The following UBE2E2 variants were observed in gnomAD, a reference collection of about 807,000 sequenced individuals.
UBE2E2 encodes ubiquitin conjugating enzyme E2 E2, also known as ubiquitin-conjugating enzyme E2 E2.
A neutral mutation model predicts 24.7 loss-of-function variants in UBE2E2; 6 were observed. The observed-to-expected ratio is 0.24, with a 90% confidence interval of 0.13 to 0.48. UBE2E2 has a LOEUF of 0.48. Ranked by LOEUF, UBE2E2 falls within the 20% of genes least tolerant of loss-of-function variation. UBE2E2 has a pLI of 0.99. For missense variants in UBE2E2, 169 were observed against 245.0 expected, an observed-to-expected ratio of 0.69 and a Z score of 2.07; for synonymous variants, 104 against 83.6, an observed-to-expected ratio of 1.24 and a Z score of -1.33.
intron 3 of UBE2E2, among the ~76,000 whole-genome samples, chr3:23,495,772 T>A (rs1018085206): frequency 9.9e-5 from 15 of 152,196 alleles, no homozygotes; most frequent in Non-Finnish European, 1.2e-4. Context: ...ATACTCTGTC[T>A]ATGCCTCATT....
At chr3:23,491,580 G>T (rs536285195) in intron 3 of UBE2E2, among the ~76,000 whole-genome samples, 1 of 152,198 alleles carries the variant, frequency 6.6e-6, no homozygotes, top group East Asian at 1.9e-4. Context: ...TGAAAGCTCT[G>T]CAAGTAATTC....
chr3:23,389,725 A>T (rs1238310397), intron 3 of UBE2E2: 1 of 202,168 alleles, frequency 4.9e-6, no homozygotes, highest in East Asian at 1.0e-4. Flanking sequence ...TGGGCAAGTC[A>T]GATCCACTAG....
chr3:23,259,990 A>G (rs763456648), intron 3 of UBE2E2, among the ~76,000 whole-genome samples: 1 of 152,232 alleles, frequency 6.6e-6, no homozygotes, highest in Non-Finnish European at 1.5e-5. Context: ...AATTTTTTAA[A>G]TTGAAATGTT....
chr3:23,577,009 T>C (rs2125516141), intron 5 of UBE2E2, among the ~76,000 whole-genome samples: 1 of 152,286 alleles, frequency 6.6e-6, no homozygotes, highest in African/African-American at 2.4e-5. Flanking sequence ...TTCATGTCTC[T>C]GTGTCACATT....
intron 3 of UBE2E2, 121 bp downstream of exon 3, chr3:23,217,433 A>T: frequency 1.1e-6 from 1 of 878,624 alleles, no homozygotes; most frequent in Non-Finnish European, 1.8e-6. Context: ...TTGTTGTTTG[A>T]ACTTAAGTGA....
Position 23,504,907 on chromosome 3 carries a change from TC to T in UBE2E2, c.360+5168del, listed in dbSNP as rs1327997418. ...TGTCTAATGTTTCTGTTTCAGACAT[TC>T]TTTCTTTTTTTTTTTTTTGAGACAG... On this transcript the variant is annotated intron_variant, in intron 4 of 5. Coordinates refer to ENST00000396703, the MANE Select transcript of UBE2E2 (RefSeq NM_152653.4). 2.2e-5 allele frequency among the ~76,000 whole-genome samples: 3 copies of T among 134,496 alleles called. No individual in the cohort carries two copies. In the East Asian group the frequency reaches 6.7e-4, roughly 30 times the overall value. The allele number at this position is 134,496 out of a possible 152,430, so 88.2% of individuals were successfully genotyped here.
chr3:23,458,758 G>A (rs1698739381), intron 3 of UBE2E2, among the ~76,000 whole-genome samples: 1 of 152,092 alleles, frequency 6.6e-6, no homozygotes, highest in African/African-American at 2.4e-5. Flanking sequence ...GAAAAAGTTT[G>A]AATTAGTGCA....
chr3:23,316,027 C>G (rs1249666579), intron 3 of UBE2E2, among the ~76,000 whole-genome samples: 4 of 152,120 alleles, frequency 2.6e-5, no homozygotes, highest in African/African-American at 9.7e-5. Context: ...AGAGGTGACA[C>G]AAGCATCCCT....
intron 3 of UBE2E2, among the ~76,000 whole-genome samples, chr3:23,364,296 T>C (rs773660405): frequency 6.6e-6 from 1 of 151,432 alleles, no homozygotes; most frequent in Non-Finnish European, 1.5e-5. Flanking sequence ...TGAAGGAAAC[T>C]GAGATGTAAA....
chr3:23,207,339 T>G (rs1280151615), intron 1 of UBE2E2, among the ~76,000 whole-genome samples: 1 of 152,148 alleles, frequency 6.6e-6, no homozygotes, highest in African/African-American at 2.4e-5. Context: ...TTGAGGAAAT[T>G]GAGTTGGTAA....
intron 5 of UBE2E2, among the ~76,000 whole-genome samples, chr3:23,584,859 G>T (rs541885056): frequency 1.3e-5 from 2 of 150,048 alleles, no homozygotes; most frequent in African/African-American, 4.9e-5. Context: ...GGCATGAGCC[G>T]CTGTGCCCAG....
chr3:23,358,605 G>T (rs2036045), intron 3 of UBE2E2, among the ~76,000 whole-genome samples: 115,912 of 152,134 alleles, frequency 0.76, 44,373 homozygotes, highest in East Asian at 0.84. Context: ...TTCATATACT[G>T]GTCTACAATT....
rs73821859 is a variant in UBE2E2, at chr3:23,549,541, A to G, written c.508+16840A>G. Among the ~76,000 whole-genome samples the G allele has an allele frequency of 6.7e-3, 1,015 of 152,298 alleles. 12 individuals carry two copies. The highest frequency in any genetic ancestry group is 0.023 in the African/African-American group (974 of 41,576). ...CTCACTAACTAGCTAGTGACCTTGGATAAATCGGTGCCCTCATTTGTGAAT... is the reference window on the plus strand; with the variant it reads ...CTCACTAACTAGCTAGTGACCTTGGGTAAATCGGTGCCCTCATTTGTGAAT... On this transcript the variant is annotated intron_variant, in intron 5 of 5. Coordinates refer to ENST00000396703, the MANE Select transcript of UBE2E2 (RefSeq NM_152653.4).
intron 3 of UBE2E2, among the ~76,000 whole-genome samples, chr3:23,418,793 C>T (rs1575616689): frequency 6.6e-6 from 1 of 152,182 alleles, no homozygotes; most frequent in Non-Finnish European, 1.5e-5. Flanking sequence ...GTGATGATTA[C>T]AGCAGTAATG....
intron 3 of UBE2E2, among the ~76,000 whole-genome samples, chr3:23,375,773 A>G (rs1041671997): frequency 1.3e-5 from 2 of 152,198 alleles, no homozygotes; most frequent in Admixed American, 1.3e-4. Flanking sequence ...TCTAGACACT[A>G]CAAAATTTTT....
chr3:23,272,703 G>A (rs567840417), intron 3 of UBE2E2, among the ~76,000 whole-genome samples: 3 of 152,238 alleles, frequency 2.0e-5, no homozygotes, highest in Non-Finnish European at 4.4e-5. Flanking sequence ...TGAGTGTAAG[G>A]AATTGGCTCA....
chr3:23,449,007 A>G (rs1698494314), intron 3 of UBE2E2, among the ~76,000 whole-genome samples: 2 of 152,184 alleles, frequency 1.3e-5, no homozygotes, highest in African/African-American at 2.4e-5. Context: ...TCCATCATCC[A>G]TAGAGTTCTA....
At chr3:23,571,887 C>T (rs905934144) in intron 5 of UBE2E2, among the ~76,000 whole-genome samples, 6 of 152,188 alleles carry the variant, frequency 3.9e-5, no homozygotes, top group Non-Finnish European at 8.8e-5. Context: ...ACACAAACTA[C>T]ACTCCCAAGG....
At position 23,357,029 on chromosome 3, in the gene UBE2E2, A is replaced by G. The variant is rs149867638; in HGVS notation, c.227+139717A>G. 2.1e-3 allele frequency among the ~76,000 whole-genome samples: 313 copies of G among 152,320 alleles called. 3 individuals are homozygous for G. The highest frequency in any genetic ancestry group is 6.2e-3 in the African/African-American group (259 of 41,576). On this transcript the variant is annotated intron_variant, in intron 3 of 5. Transcript: ENST00000396703. ...TTGATCTTGTGGCACCATGATTGCTATGGCAGGGAGGGGAGATTCTGTAGA... is the reference window on the plus strand; with the variant it reads ...TTGATCTTGTGGCACCATGATTGCTGTGGCAGGGAGGGGAGATTCTGTAGA...
Sources: allele counts gnomAD v4.1 joint callset (sites outside exome capture counted in the v4.1 genomes callset), GRCh38; gene constraint gnomAD v4.1.1; transcripts MANE v1.5; gene names NCBI Gene and HGNC (gene_info 2026-07-23, HGNC 2026-07-21).